The following MAP1B variants were observed in gnomAD, a reference collection of about 807,000 sequenced individuals.
MAP1B encodes the protein microtubule associated protein 1B, also known as microtubule-associated protein 1B.
Under a neutral mutation model 176.1 loss-of-function variants are expected in MAP1B, and 12 were observed. That is an observed-to-expected ratio of 0.07 (90% CI 0.04 to 0.11). The LOEUF is 0.11. Among genes scored for constraint, MAP1B ranks in the 10% least tolerant of loss-of-function variants. MAP1B has a pLI of 1.00. For synonymous variants in MAP1B, 1,044 were observed against 1,135.0 expected (o/e 0.92, Z 1.61); for missense variants, 2,523 against 2,990.5 (o/e 0.84, Z 3.65).
chr5:72,147,501 G>A (rs557254376), intron 2 of MAP1B, among the ~76,000 whole-genome samples: 9 of 152,154 alleles, frequency 5.9e-5, no homozygotes, highest in Admixed American at 5.9e-4. Context: ...CCCTTATGGG[G>A]TAGTGAGACA....
chr5:72,199,433 G>T lies in MAP1B; in HGVS notation c.6078G>T (p.Glu2026Asp). 6.2e-7 allele frequency: 1 copy of T among 1,614,044 alleles called. No homozygotes were observed. The highest frequency in any genetic ancestry group is 1.1e-5 in the South Asian group (1 of 91,054). ...CTGAGTCTGAAGGTTATTCCTATGA[G>T]ACATCTACAAAGACAACACGAACCC... ...SFPESEGYSY[E>D]TSTKTTRTPD... Residue 2026 changes from glutamate (E) to aspartate (D), a missense_variant, in exon 5 of 7, where the codon GAG becomes GAT. Glu to Asp is a conservative substitution (Grantham distance 45). Around this residue, in one of 4 missense-constraint regions of MAP1B, gnomAD observed 1,925 missense variants for 2,126.0 expected, o/e 0.91. Coordinates refer to ENST00000296755, the MANE Select transcript of MAP1B (RefSeq NM_005909.5). This position sits in a 1 kb window ranked among gnomAD's most constrained non-coding sequence, Gnocchi z 4.2.
intron 1 of MAP1B, among the ~76,000 whole-genome samples, chr5:72,109,348 C>G (rs1477924594): frequency 6.6e-6 from 1 of 152,040 alleles, no homozygotes; most frequent in East Asian, 1.9e-4. Context: ...ATCTCAATAA[C>G]CCTTCATTTT....
chr5:72,178,148 A>G (rs867763135), intron 2 of MAP1B, among the ~76,000 whole-genome samples: 35 of 152,112 alleles, frequency 2.3e-4, no homozygotes, highest in African/African-American at 7.7e-4. Context: ...GATTACAGGC[A>G]TGCACCACCA....
At chr5:72,205,058 G>T in intron 6 of MAP1B, 26 bp from the exon 7 acceptor site, 1 of 1,588,254 alleles carries the variant, frequency 6.3e-7, no homozygotes, top group South Asian at 1.2e-5. Flanking sequence ...CCCTTAAATA[G>T]CTATTTTTTT....
In MAP1B at chr5:72,198,420, T is replaced by C. The variant is rs1747237533; in HGVS notation, c.5065T>C (p.Tyr1689His). 1 of 1,613,984 alleles carries C rather than the reference T, an allele frequency of 6.2e-7. No homozygotes were observed. The highest frequency in any genetic ancestry group is 8.5e-7 in the Non-Finnish European group (1 of 1,180,038). Reference protein sequence around the residue: ...ITENGPTEVDYSPSDMQDSSL... With the variant: ...ITENGPTEVDHSPSDMQDSSL... ...TGAAAATGGGCCAACTGAAGTGGAC[T>C]ACAGTCCTTCTGACATGCAGGACTC... The change falls in exon 5 of 7, where the codon TAC (tyrosine) becomes CAC (histidine). Residue 1689 changes from tyrosine (Y) to histidine (H), a missense_variant. Physicochemically the swap from Tyr to His is moderately conservative, Grantham distance 83 (BLOSUM62 2). Coordinates refer to ENST00000296755, the MANE Select transcript of MAP1B (RefSeq NM_005909.5).
chr5:72,194,916 C>G lies in MAP1B; in HGVS notation c.1561C>G (p.Leu521Val). ...LKQPLATQKD[L>V]TGQVPTPVVK... ...GCAGCCACTGGCCACCCAAAAGGAT[C>G]TCACTGGCCAGGTGCCCACTCCTGT... Residue 521 changes from leucine to valine, a missense_variant, in exon 5 of 7, where the codon CTC (leucine) becomes GTC (valine). Physicochemically the swap from Leu to Val is conservative, Grantham distance 32. Coordinates refer to ENST00000296755, the MANE Select transcript of MAP1B (RefSeq NM_005909.5). The surrounding 1 kb of genome is among the most constrained non-coding windows in gnomAD (Gnocchi z 7.2). 6.2e-7 allele frequency: 1 copy of G among 1,614,188 alleles called. No homozygotes were observed. The highest frequency in any genetic ancestry group is 1.1e-5 in the South Asian group (1 of 91,080).
Position 72,199,608 on chromosome 5 carries a change from G to T in MAP1B, c.6253G>T (p.Val2085Leu). ...EARQDVDLCLVSSCEYKHPKT... is the reference protein window; with the variant it reads ...EARQDVDLCLLSSCEYKHPKT... ...CCGTCAGGATGTCGATTTATGCCTC[G>T]TGTCCTCTTGTGAATACAAGCACCC... The change falls in exon 5 of 7, where the codon GTG becomes TTG. Residue 2085 changes from valine (V) to leucine (L), a missense_variant. Physicochemically the swap from Val to Leu is conservative, Grantham distance 32 (BLOSUM62 1). Transcript: ENST00000296755. The surrounding 1 kb of genome is among the most constrained non-coding windows in gnomAD (Gnocchi z 4.2). The T allele has an allele frequency of 8.1e-6, 13 of 1,614,110 alleles. No homozygotes were observed. The highest frequency in any genetic ancestry group is 1.1e-5 in the Non-Finnish European group (13 of 1,180,028).
chr5:72,109,520 G>C (rs1443064884), intron 1 of MAP1B, among the ~76,000 whole-genome samples: 1 of 152,118 alleles, frequency 6.6e-6, no homozygotes, highest in African/African-American at 2.4e-5. Context: ...AGCATTTCTG[G>C]GAAATAGGAA....
intron 2 of MAP1B, chr5:72,116,362 C>G (rs1745437751): frequency 2.9e-6 from 1 of 348,810 alleles, no homozygotes; most frequent in African/African-American, 2.2e-5. Context: ...ACTTATCTTT[C>G]TTCGTGTGGG....
intron 2 of MAP1B, among the ~76,000 whole-genome samples, chr5:72,136,872 A>T (rs2112148666): frequency 6.6e-6 from 1 of 152,322 alleles, no homozygotes; most frequent in East Asian, 1.9e-4. Flanking sequence ...TTTTTTGCCA[A>T]GCCCATACCA....
At chr5:72,142,977 AGTT>A (rs1452537836) in intron 2 of MAP1B, among the ~76,000 whole-genome samples, 6 of 152,274 alleles carry the variant, frequency 3.9e-5, no homozygotes, top group Admixed American at 2.0e-4. Context: ...AAGATTTTCT[AGTT>A]GTTGTGTGAA....
At chr5:72,191,047 C>T (rs900993023) in intron 4 of MAP1B, among the ~76,000 whole-genome samples, 4 of 152,224 alleles carry the variant, frequency 2.6e-5, no homozygotes, top group African/African-American at 7.2e-5. Flanking sequence ...TTGCATCTGT[C>T]ATCCAACTTT....
At chr5:72,164,944 G>GT (rs1288663381) in intron 2 of MAP1B, among the ~76,000 whole-genome samples, 2 of 151,994 alleles carry the variant, frequency 1.3e-5, no homozygotes, top group Non-Finnish European at 2.9e-5. Context: ...TTTCTTCCTT[G>GT]TTTTTTTCCC....
Position 72,198,468 on chromosome 5 carries a change from C to T in MAP1B, c.5113C>T (p.Pro1705Ser). ...CTCCAGTTTATCACATAAGATACCA[C>T]CTATGGAGGAGCCGTCCTACACCCA... ...QDSSLSHKIP[P>S]MEEPSYTQDN... The change falls in exon 5 of 7, where the codon CCT (proline) becomes TCT (serine). Residue 1705 changes from proline to serine, a missense_variant. By Grantham distance (74) the Pro-to-Ser change is moderately conservative. Transcript: ENST00000296755. 6.2e-7 allele frequency: 1 copy of T among 1,613,916 alleles called. No homozygotes were observed. Among genetic ancestry groups the T allele is most frequent in the Non-Finnish European group, 8.5e-7 (1 of 1,180,020 alleles).
chr5:72,120,511 G>A (rs1162050617), intron 2 of MAP1B, among the ~76,000 whole-genome samples: 3 of 149,648 alleles, frequency 2.0e-5, no homozygotes, highest in East Asian at 2.0e-4. Flanking sequence ...AGCAAGCTCC[G>A]CCTCCCGGGT....
intron 2 of MAP1B, among the ~76,000 whole-genome samples, chr5:72,120,510 C>T (rs576544047): frequency 2.9e-3 from 444 of 151,758 alleles, no homozygotes; most frequent in Non-Finnish European, 4.3e-3. Flanking sequence ...CAGCAAGCTC[C>T]GCCTCCCGGG....
intron 2 of MAP1B, among the ~76,000 whole-genome samples, chr5:72,181,795 C>A (rs1419943948): frequency 6.6e-6 from 1 of 151,206 alleles, no homozygotes; most frequent in Non-Finnish European, 1.5e-5. Context: ...AATCTCGGCT[C>A]ACTGCAACCT....
At chr5:72,146,655 T>C (rs559838871) in intron 2 of MAP1B, among the ~76,000 whole-genome samples, 38 of 152,268 alleles carry the variant, frequency 2.5e-4, no homozygotes, top group African/African-American at 9.1e-4. Flanking sequence ...CAGTGAGTAA[T>C]GGAGATGGGG....
In MAP1B at chr5:72,195,894, G is replaced by A. The variant is rs1580021654; in HGVS notation, c.2539G>A (p.Glu847Lys). 6.2e-7 allele frequency: 1 copy of A among 1,614,216 alleles called. No homozygotes were observed. The highest frequency in any genetic ancestry group is 8.5e-7 in the Non-Finnish European group (1 of 1,180,032). ...TKDFEELKAEEVDVTKDIKPQ... is the reference protein window; with the variant it reads ...TKDFEELKAEKVDVTKDIKPQ... ...GGACTTTGAAGAGTTAAAGGCTGAA[G>A]AGGTCGATGTAACAAAGGACATCAA... is the stretch of plus-strand genomic sequence containing the variant. Residue 847 changes from glutamate to lysine, a missense_variant, in exon 5 of 7, where the codon GAG (glutamate) becomes AAG (lysine). By Grantham distance (56) the Glu-to-Lys change is moderately conservative (BLOSUM62 1). Coordinates refer to ENST00000296755, the MANE Select transcript of MAP1B (RefSeq NM_005909.5).
Sources: allele counts gnomAD v4.1 joint callset (sites outside exome capture counted in the v4.1 genomes callset), GRCh38; gene constraint gnomAD v4.1.1; regional missense constraint gnomAD v4.1.1; non-coding constraint Gnocchi (gnomAD v3.1); transcripts MANE v1.5; gene names NCBI Gene and HGNC (gene_info 2026-07-23, HGNC 2026-07-21).